The following FAT4 variants were observed in gnomAD, a reference collection of about 807,000 sequenced individuals.
The protein encoded by FAT4 is protocadherin Fat 4.
A neutral mutation model predicts 303.9 loss-of-function variants in FAT4; 84 were observed. The ratio of observed to expected loss-of-function variants is 0.28; its 90% CI spans 0.23 to 0.33. The LOEUF is 0.33. Among genes scored for constraint, FAT4 ranks in the 10% least tolerant of loss-of-function variants. The pLI is 1.00. For missense variants in FAT4, 6,005 were observed against 6,146.8 expected (o/e 0.98, Z 0.77); for synonymous variants, 2,307 against 2,298.8 (o/e 1.00, Z -0.10).
chr4:125,460,728 T>C (rs765739866), intron 10 of FAT4, among the ~76,000 whole-genome samples: 30 of 152,136 alleles, frequency 2.0e-4, no homozygotes, highest in Non-Finnish European at 4.4e-4. Context: ...CTATTGTGAA[T>C]AGTGCTGCAT....
rs1726061795 is a variant in FAT4, at chr4:125,451,322, A to C, written c.10312A>C (p.Ser3438Arg). Reference protein sequence around the residue: ...VSAFDSDSIPSWSRFSYFIGS... With the variant: ...VSAFDSDSIPRWSRFSYFIGS... ...TGCCTTTGACTCAGACTCCATCCCCAGCTGGAGCAGGTTTTCTTACTTCAT... is the reference window on the plus strand; with the variant it reads ...TGCCTTTGACTCAGACTCCATCCCCCGCTGGAGCAGGTTTTCTTACTTCAT... The change falls in exon 10 of 18, where the codon AGC becomes CGC. Residue 3438 changes from serine (S) to arginine (R), a missense_variant. Ser to Arg is a moderately radical substitution (Grantham distance 110). Transcript: ENST00000394329. 1 of 1,614,016 alleles carries C rather than the reference A, an allele frequency of 6.2e-7. No homozygotes were observed.
intron 2 of FAT4, among the ~76,000 whole-genome samples, chr4:125,391,330 A>G (rs560377470): frequency 2.0e-5 from 3 of 152,338 alleles, no homozygotes; most frequent in African/African-American, 7.2e-5. Flanking sequence ...ATGGAATACT[A>G]TGCAGCCATA....
chr4:125,452,471 C>G lies in FAT4; in HGVS notation c.11461C>G (p.Arg3821Gly). The change falls in exon 10 of 18, where the codon CGA becomes GGA. Residue 3821 changes from arginine to glycine, a missense_variant. Arg to Gly is a moderately radical substitution (Grantham distance 125). Coordinates refer to ENST00000394329, the MANE Select transcript of FAT4 (RefSeq NM_001291303.3). ...GPCQNGGSCL[R>G]RLAVSSVLKS... ...ATGTCAGAATGGAGGGAGCTGTCTA[C>G]GAAGATTGGCTGTGAGCTCCGTATT... 4 of 1,613,950 alleles carry G rather than the reference C, an allele frequency of 2.5e-6. No homozygotes were observed. Among genetic ancestry groups the G allele is most frequent in the Non-Finnish European group, 3.4e-6 (4 of 1,180,028 alleles).
Position 125,415,044 on chromosome 4 carries a change from A to G in FAT4, c.6081A>G (p.Pro2027=). The G allele has an allele frequency of 6.2e-7, 1 of 1,614,102 alleles. No homozygotes were observed. The highest frequency in any genetic ancestry group is 8.5e-7 in the Non-Finnish European group (1 of 1,179,970). The change falls in exon 6 of 18, where the codon CCA becomes CCG. Residue 2027 remains proline (P), a synonymous_variant. Coordinates refer to ENST00000394329, the MANE Select transcript of FAT4 (RefSeq NM_001291303.3). ...AAGTGCATGACCTGCCACAGATTCCAGCCTCCAGATTCACAAGCACTGCTC... is the reference window on the plus strand; with the variant it reads ...AAGTGCATGACCTGCCACAGATTCCGGCCTCCAGATTCACAAGCACTGCTC... ...VVQVHDLPQI[P]ASRFTSTAQV... is the part of the protein sequence containing the mutation.
chr4:125,449,160 G>A lies in FAT4; in HGVS notation c.8150G>A (p.Ser2717Asn). Residue 2717 changes from serine (S) to asparagine (N), a missense_variant, in exon 10 of 18, where the codon AGT (serine) becomes AAT (asparagine). Physicochemically the swap from Ser to Asn is conservative, Grantham distance 46. Coordinates refer to ENST00000394329, the MANE Select transcript of FAT4 (RefSeq NM_001291303.3). ...YEIVNGNMEN[S>N]FSINHATGEI... Reference sequence around the variant, plus strand: ...ATTGTTAATGGCAACATGGAAAATAGTTTCAGTATCAATCATGCTACTGGT... The same window carrying A: ...ATTGTTAATGGCAACATGGAAAATAATTTCAGTATCAATCATGCTACTGGT... 2 of 1,613,992 alleles carry A rather than the reference G, an allele frequency of 1.2e-6. No homozygotes were observed. The highest frequency in any genetic ancestry group is 1.7e-6 in the Non-Finnish European group (2 of 1,179,890).
Position 125,415,123 on chromosome 4 carries a change from C to G in FAT4, c.6160C>G (p.Pro2054Ala), listed in dbSNP as rs892209188. The change falls in exon 6 of 18, where the codon CCT (proline) becomes GCT (alanine). Residue 2054 changes from proline (P) to alanine (A), a missense_variant. By Grantham distance (27) the Pro-to-Ala change is conservative (BLOSUM62 -1). Transcript: ENST00000394329. The stretch of plus-strand genomic sequence containing the variant: ...TGATAACCCACCGACATTTCTTTCC[C>G]CTAAATTGACATACATTCCAGAAAA... ...VNDNPPTFLS[P>A]KLTYIPENTP... 4.3e-6 allele frequency: 7 copies of G among 1,613,860 alleles called. No individual in the cohort carries two copies. Among genetic ancestry groups the G allele is most frequent in the Non-Finnish European group, 5.9e-6 (7 of 1,179,924 alleles).
intron 5 of FAT4, among the ~76,000 whole-genome samples, chr4:125,411,485 A>G (rs1226712975): frequency 1.3e-5 from 2 of 151,868 alleles, no homozygotes; most frequent in Admixed American, 1.3e-4. Context: ...GTAGCTATAT[A>G]ATATTGGTGT....
intron 17 of FAT4, among the ~76,000 whole-genome samples, chr4:125,488,538 G>A (rs1484560838): frequency 1.3e-5 from 2 of 152,096 alleles, no homozygotes; most frequent in Non-Finnish European, 2.9e-5. Context: ...AAATATTCTG[G>A]GAACTAAAAT....
chr4:125,440,610 T>TGTGTGTGTGTGTGAGAGAGAGA lies in FAT4; in HGVS notation c.7200-5682_7200-5681insTGTGTGTGTGTGAGAGAGAGAG, dbSNP rs372756130. On this transcript the variant is annotated intron_variant, in intron 8 of 17. Coordinates refer to ENST00000394329, the MANE Select transcript of FAT4 (RefSeq NM_001291303.3). ...GTGTGTGTGTGTGTGTGTGTGTGTG[T>TGTGTGTGTGTGTGAGAGAGAGA]GAGAGAGAGAGAGAGAGAGAGAGAG... Among the ~76,000 whole-genome samples the TGTGTGTGTGTGTGAGAGAGAGA allele has an allele frequency of 7.0e-4, 53 of 75,746 alleles. 1 individual carries two copies. Among genetic ancestry groups the TGTGTGTGTGTGTGAGAGAGAGA allele is most frequent in the African/African-American group, 2.8e-3 (49 of 17,262 alleles). The allele number at this position is 75,746 out of a possible 152,430, so 49.7% of individuals were successfully genotyped here.
intron 3 of FAT4, among the ~76,000 whole-genome samples, chr4:125,406,659 T>C (rs1380093882): frequency 2.0e-5 from 3 of 152,292 alleles, no homozygotes; most frequent in Non-Finnish European, 4.4e-5. Context: ...TTTGTATCTT[T>C]GTTGATTTCT....
intron 3 of FAT4, among the ~76,000 whole-genome samples, chr4:125,404,984 T>A (rs367740521): frequency 4.0e-5 from 6 of 151,854 alleles, no homozygotes; most frequent in East Asian, 1.9e-4. Context: ...GGACCAGAAG[T>A]GTCTCAAATT....
intron 5 of FAT4, among the ~76,000 whole-genome samples, chr4:125,411,332 T>C (rs1486174464): frequency 2.6e-5 from 4 of 152,004 alleles, no homozygotes; most frequent in Admixed American, 1.3e-4. Flanking sequence ...CGGTATTACA[T>C]TGAGGAAATA....
Position 125,490,750 on chromosome 4 carries a change from G to A in FAT4, c.13934G>A (p.Arg4645His), listed in dbSNP as rs147961375. ...ATCATTCAACACTACAAGCAGTTCC[G>A]CAGCCACACACCAAAATTTTCAATC... is the stretch of plus-strand genomic sequence containing the variant. ...ADIIQHYKQF[R>H]SHTPKFSIQR... Residue 4645 changes from arginine to histidine, a missense_variant, in exon 18 of 18, where the codon CGC (arginine) becomes CAC (histidine). Physicochemically the swap from Arg to His is conservative, Grantham distance 29. Coordinates refer to ENST00000394329, the MANE Select transcript of FAT4 (RefSeq NM_001291303.3). The A allele has an allele frequency of 8.7e-6, 14 of 1,613,918 alleles. No individual in the cohort carries two copies. Among genetic ancestry groups the A allele is most frequent in the Middle Eastern group, 1.6e-4 (1 of 6,084 alleles).
chr4:125,479,637 G>A (rs1048881188), intron 14 of FAT4, 104 bp from the exon 15 acceptor site: 5 of 1,105,070 alleles, frequency 4.5e-6, no homozygotes, highest in Non-Finnish European at 6.0e-6. Context: ...TTCAAATAAT[G>A]GAGTGCTTGA....
intron 7 of FAT4, among the ~76,000 whole-genome samples, chr4:125,419,880 G>T (rs564554599): frequency 3.9e-5 from 6 of 152,312 alleles, no homozygotes; most frequent in African/African-American, 1.4e-4. Flanking sequence ...GAAAGCAGTT[G>T]CTAAACATTT....
At chr4:125,448,313 A>G in intron 9 of FAT4, 148 bp from the exon 10 acceptor site, 1 of 694,184 alleles carries the variant, frequency 1.4e-6, no homozygotes, top group Non-Finnish European at 2.3e-6. Flanking sequence ...AACCTCGGAG[A>G]AAATATAGGA....
intron 11 of FAT4, among the ~76,000 whole-genome samples, chr4:125,466,868 A>G (rs976725556): frequency 1.3e-5 from 2 of 149,536 alleles, no homozygotes; most frequent in Admixed American, 1.4e-4. Flanking sequence ...TCAGCCTCCC[A>G]GGTTCACGCC....
At chr4:125,337,217 G>A (rs974096776) in intron 2 of FAT4, among the ~76,000 whole-genome samples, 1 of 151,820 alleles carries the variant, frequency 6.6e-6, no homozygotes, top group Non-Finnish European at 1.5e-5. Flanking sequence ...TTTCTTTTTT[G>A]TTTGGATTAT....
chr4:125,317,224 G>A lies in FAT4; in HGVS notation c.813G>A (p.Gln271=), dbSNP rs1730645993. 1.9e-6 allele frequency: 3 copies of A among 1,583,104 alleles called. No individual in the cohort carries two copies. The highest frequency in any genetic ancestry group is 1.7e-6 in the Non-Finnish European group (2 of 1,162,156). ...CGGTTGTGGGTTCCAGCGTCCTCCAGGTGGCGGCGGCGGACGCGGACGAGG... is the reference window on the plus strand; with the variant it reads ...CGGTTGTGGGTTCCAGCGTCCTCCAAGTGGCGGCGGCGGACGCGGACGAGG... The part of the protein sequence containing the change: ...EDAVVGSSVL[Q]VAAADADEGT... Residue 271 remains glutamine (Q), a synonymous_variant, in exon 2 of 18, where the codon CAG becomes CAA. Coordinates refer to ENST00000394329, the MANE Select transcript of FAT4 (RefSeq NM_001291303.3). This position sits in a 1 kb window ranked among gnomAD's most constrained non-coding sequence, Gnocchi z 7.0.
Sources: allele counts gnomAD v4.1 joint callset (sites outside exome capture counted in the v4.1 genomes callset), GRCh38; gene constraint gnomAD v4.1.1; non-coding constraint Gnocchi (gnomAD v3.1); transcripts MANE v1.5; gene names NCBI Gene and HGNC (gene_info 2026-07-23, HGNC 2026-07-21).